The following GTPBP4 variants were observed in gnomAD, a reference collection of about 807,000 sequenced individuals.
GTPBP4 encodes GTP-binding protein 4.
A neutral mutation model predicts 81.7 loss-of-function variants in GTPBP4; 15 were observed. That is an observed-to-expected ratio of 0.18 (90% CI 0.12 to 0.28). The LOEUF is 0.28. Ranked by LOEUF, GTPBP4 falls within the 10% of genes least tolerant of loss-of-function variation. GTPBP4 has a pLI of 1.00. For missense variants in GTPBP4, 847 were observed against 793.8 expected, an observed-to-expected ratio of 1.07 and a Z score of -0.81; for synonymous variants, 272 against 274.6, an observed-to-expected ratio of 0.99 and a Z score of 0.09.
intron 11 of GTPBP4, 107 bp from the exon 12 acceptor site, chr10:1,009,422 G>C: frequency 2.5e-6 from 2 of 814,084 alleles, no homozygotes; most frequent in African/African-American, 1.7e-5. Flanking sequence ...GAACCCCACT[G>C]ATACTGAGAG....
intron 5 of GTPBP4, among the ~76,000 whole-genome samples, chr10:997,862 C>T (rs1406951333): frequency 6.6e-6 from 1 of 152,142 alleles, no homozygotes; most frequent in Non-Finnish European, 1.5e-5. Context: ...CCGAGTCGCT[C>T]TTTCCCTGGG....
chr10:1,011,409 A>T (rs1327719966), intron 13 of GTPBP4, among the ~76,000 whole-genome samples: 1 of 152,138 alleles, frequency 6.6e-6, no homozygotes, highest in African/African-American at 2.4e-5. Context: ...TTCTTCTCTC[A>T]GCTGAGCTGT....
At chr10:1,000,909 A>G (rs1182687133) in intron 7 of GTPBP4, 39 bp from the exon 8 acceptor site, 1 of 1,607,706 alleles carries the variant, frequency 6.2e-7, no homozygotes, top group South Asian at 1.1e-5. Flanking sequence ...ATCCTGCAGT[A>G]CGAGAATAAT....
At chr10:988,548 C>A in intron 1 of GTPBP4, 21 bp downstream of exon 1, 1 of 1,596,306 alleles carries the variant, frequency 6.3e-7, no homozygotes, top group Non-Finnish European at 8.6e-7. Flanking sequence ...CCGGGAGGGC[C>A]ACTGCAACTT....
chr10:991,916 C>T (rs1464070252), intron 1 of GTPBP4, among the ~76,000 whole-genome samples: 10 of 146,978 alleles, frequency 6.8e-5, no homozygotes, highest in African/African-American at 1.7e-4. Context: ...AGGATGGTCT[C>T]GATCTCCTGA....
intron 1 of GTPBP4, 98 bp downstream of exon 1, chr10:988,625 T>G (rs1831384219): frequency 1.1e-6 from 1 of 886,742 alleles, no homozygotes; most frequent in African/African-American, 1.6e-5. Context: ...GCGGTCGCCT[T>G]CCGCTCGCCC....
chr10:1,007,196 C>T, intron 10 of GTPBP4, 68 bp downstream of exon 10: 4 of 821,978 alleles, frequency 4.9e-6, no homozygotes, highest in Non-Finnish European at 8.4e-6. Context: ...CGTGCCTTTT[C>T]CAGAAGCCTC....
chr10:1,019,343 A>T lies in GTPBP4; in HGVS notation c.*2116A>T. 1 of 559,372 alleles carries T rather than the reference A, an allele frequency of 1.8e-6. No homozygotes were observed. The highest frequency in any genetic ancestry group is 3.1e-6 in the Non-Finnish European group (1 of 318,950). 34.7% of individuals were successfully genotyped at this position (559,372 alleles called of 1,614,324 possible). A position where few individuals can be genotyped will look rare whatever the true frequency, so the allele number is the denominator to read the frequency against. On this transcript the variant is annotated 3_prime_UTR_variant, in exon 17 of 17. Transcript: ENST00000360803. ...GATGAGAAATATGGAAATAAGGAAAAGGGAAAATGAAGATATGACAAAGTT... is the reference window on the plus strand; with the variant it reads ...GATGAGAAATATGGAAATAAGGAAATGGGAAAATGAAGATATGACAAAGTT...
At chr10:1,007,237 A>G (rs1589028678) in intron 10 of GTPBP4, 109 bp downstream of exon 10, 1 of 656,950 alleles carries the variant, frequency 1.5e-6, no homozygotes, top group Non-Finnish European at 2.8e-6. Flanking sequence ...GCAGGTGGAT[A>G]TTGTGGGTGG....
intron 10 of GTPBP4, 174 bp downstream of exon 10, chr10:1,007,302 A>G: frequency 1.8e-6 from 1 of 558,102 alleles, no homozygotes; most frequent in Non-Finnish European, 3.2e-6. Context: ...AAGAAAGTGC[A>G]GAACGCCACA....
chr10:1,004,089 T>C (rs966341607), intron 8 of GTPBP4, among the ~76,000 whole-genome samples: 8 of 152,132 alleles, frequency 5.3e-5, no homozygotes, highest in Non-Finnish European at 1.0e-4. Flanking sequence ...AGACGCACTC[T>C]GGAGGTTTGA....
chr10:988,645 T>A (rs559093550), intron 1 of GTPBP4, 118 bp downstream of exon 1: 1 of 751,140 alleles, frequency 1.3e-6, no homozygotes, highest in South Asian at 1.5e-5. Context: ...CATCCCCCGC[T>A]CCTGGGCCTG....
chr10:1,019,377 G>T lies in GTPBP4; in HGVS notation c.*2150G>T. On this transcript the variant is annotated 3_prime_UTR_variant, in exon 17 of 17. Transcript: ENST00000360803. Reference sequence around the variant, plus strand: ...GAAGATATGACAAAGTTGATGAAAAGGTTGAAATAGTGATTTATACATGAT... The same window carrying T: ...GAAGATATGACAAAGTTGATGAAAATGTTGAAATAGTGATTTATACATGAT... 1 of 594,910 alleles carries T rather than the reference G, an allele frequency of 1.7e-6. No homozygotes were observed. Among genetic ancestry groups the T allele is most frequent in the Non-Finnish European group, 2.9e-6 (1 of 344,474 alleles). The allele number at this position is 594,910 out of a possible 1,614,324, so 36.9% of individuals were successfully genotyped here.
chr10:1,002,392 A>G (rs1046254894), intron 8 of GTPBP4, among the ~76,000 whole-genome samples: 3 of 152,204 alleles, frequency 2.0e-5, no homozygotes, highest in Admixed American at 1.3e-4. Context: ...TTTATCTGAT[A>G]GAAGTATAGC....
Position 1,019,293 on chromosome 10 carries a change from T to A in GTPBP4, c.*2066T>A. 2.0e-6 allele frequency: 1 copy of A among 509,744 alleles called. No individual in the cohort carries two copies. The highest frequency in any genetic ancestry group is 3.5e-6 in the Non-Finnish European group (1 of 287,136). The allele number at this position is 509,744 out of a possible 1,614,324, so 31.6% of individuals were successfully genotyped here. The stretch of plus-strand genomic sequence containing the variant: ...ATGGAAATTGGGACAAAGGAAATGT[T>A]AAATTTCCTCCCTGCAACCAGGCAG... On this transcript the variant is annotated 3_prime_UTR_variant, in exon 17 of 17. Transcript: ENST00000360803.
intron 8 of GTPBP4, among the ~76,000 whole-genome samples, 164 bp downstream of exon 8, chr10:1,001,177 C>G (rs999019769): frequency 6.6e-6 from 1 of 152,194 alleles, no homozygotes; most frequent in Non-Finnish European, 1.5e-5. Flanking sequence ...ATAATAAAAA[C>G]TTAGTTATTG....
intron 2 of GTPBP4, among the ~76,000 whole-genome samples, chr10:994,974 C>T (rs145172845): frequency 4.1e-4 from 62 of 152,072 alleles, no homozygotes; most frequent in African/African-American, 9.4e-4. Context: ...AGTATCTGTG[C>T]GGGGAGAGGG....
intron 10 of GTPBP4, chr10:1,007,947 G>C: frequency 1.9e-6 from 1 of 518,168 alleles, no homozygotes; most frequent in Admixed American, 1.9e-5. Flanking sequence ...TACAAAGGTT[G>C]GATTCTTGTC....
At chr10:1,015,970 CCAG>C in intron 16 of GTPBP4, 74 bp downstream of exon 16, 1 of 1,296,528 alleles carries the variant, frequency 7.7e-7, no homozygotes, top group Non-Finnish European at 1.1e-6. Context: ...AGGGCAAACA[CCAG>C]CAGTTGCCAT....
Sources: allele counts gnomAD v4.1 joint callset (sites outside exome capture counted in the v4.1 genomes callset), GRCh38; gene constraint gnomAD v4.1.1; transcripts MANE v1.5; gene names NCBI Gene and HGNC (gene_info 2026-07-23, HGNC 2026-07-21).